The following C18orf54 variants were observed in gnomAD, a reference collection of about 807,000 sequenced individuals.
C18orf54 encodes lung adenoma susceptibility protein 2.
In C18orf54, 49 loss-of-function variants were observed where a neutral mutation model predicts 49.3. That is an observed-to-expected ratio of 0.99 (90% confidence interval 0.79 to 1.26). The LOEUF (loss-of-function observed/expected upper bound fraction) is 1.26. C18orf54 is among the 50% of genes most tolerant of loss of function. The pLI, the probability that C18orf54 is intolerant of heterozygous loss-of-function variation, is 0.00. For synonymous variants in C18orf54, 211 were observed against 216.6 expected (o/e 0.97, Z 0.23); for missense variants, 687 against 620.6 (o/e 1.11, Z -1.14).
rs1391741183 is a variant in C18orf54 at position 54,378,886 on chromosome 18, G to T, written c.*640G>T. 1 of 152,072 alleles carries T rather than the reference G, an allele frequency of 6.6e-6. No individual in the cohort carries two copies. Among genetic ancestry groups the T allele is most frequent in the Non-Finnish European group, 1.5e-5 (1 of 67,946 alleles). The allele number at this position is 152,072 out of a possible 1,614,324, so 9.4% of individuals were successfully genotyped here. A position where few individuals can be genotyped will look rare whatever the true frequency, so the allele number is the denominator to read the frequency against. ...CTCATTTAATTAGTACTTTGATTCT[G>T]TGTAAGATAATCTTGGTAGTGCTTG... On this transcript the variant is annotated 3_prime_UTR_variant, in exon 9 of 9. Transcript: ENST00000620105.
Position 54,362,388 on chromosome 18 carries a change from TGA to T in C18orf54, c.1032_1033del (p.Asn345SerfsTer14). The T allele has an allele frequency of 6.5e-7, 1 of 1,533,180 alleles. No homozygotes were observed. Among genetic ancestry groups the T allele is most frequent in the Non-Finnish European group, 8.7e-7 (1 of 1,145,060 alleles). 95.0% of individuals were successfully genotyped at this position (1,533,180 alleles called of 1,614,324 possible). ...ATTTTGAACATAGCCAGTGTCAATG[TGA>T]GAATCCACTTCTCCCAGGACAATCC... ...CDFEHSQCQC[E>X]NPLLPGQSTK... On this transcript the variant is annotated frameshift_variant, in exon 4 of 9. Transcript: ENST00000620105. LOFTEE classifies it high-confidence loss of function.
At chr18:54,360,908 G>C (rs1271016445) in intron 3 of C18orf54, 53 bp downstream of exon 3, 16 of 1,501,412 alleles carry the variant, frequency 1.1e-5, no homozygotes, top group Non-Finnish European at 1.5e-5. Flanking sequence ...AAGCATTTGG[G>C]AGATGTACTG....
In C18orf54 at chr18:54,362,780, T is replaced by C; in HGVS notation, c.1082T>C (p.Ile361Thr). Reference protein sequence around the residue: ...QSTKPFSGDKIELLILKAKRN... With the variant: ...QSTKPFSGDKTELLILKAKRN... Reference sequence around the variant, plus strand: ...CATCTTTTACAATTAGGTGACAAAATTGAATTGCTTATCTTGAAGGCCAAG... The same window carrying C: ...CATCTTTTACAATTAGGTGACAAAACTGAATTGCTTATCTTGAAGGCCAAG... Residue 361 changes from isoleucine (I) to threonine (T), a missense_variant, in exon 5 of 9, where the codon ATT (isoleucine) becomes ACT (threonine). Transcript: ENST00000620105. 6.2e-7 allele frequency: 1 copy of C among 1,603,384 alleles called. No homozygotes were observed. The highest frequency in any genetic ancestry group is 8.5e-7 in the Non-Finnish European group (1 of 1,177,728).
At position 54,360,673 on chromosome 18, in the gene C18orf54, C is replaced by T. The variant is rs1203031594; in HGVS notation, c.101C>T (p.Ser34Phe). The T allele has an allele frequency of 6.2e-7, 1 of 1,614,084 alleles. No homozygotes were observed. Residue 34 changes from serine (S) to phenylalanine (F), a missense_variant, in exon 3 of 9, where the codon TCT becomes TTT. Coordinates refer to ENST00000620105, the MANE Select transcript of C18orf54 (RefSeq NM_001288980.2). ...CTGAGTGGTAGTAATTCCTCTAATT[C>T]TGATGGCTCGTTTCACTATAAAGAT... ...CTLSGSNSSN[S>F]DGSFHYKDKL...
intron 5 of C18orf54, among the ~76,000 whole-genome samples, chr18:54,363,678 A>G (rs115873573): frequency 0.031 from 4,759 of 152,256 alleles, 187 homozygotes; most frequent in African/African-American, 0.096. Context: ...TTTTCCTTAA[A>G]TGATGGTACA....
chr18:54,375,557 C>T (rs2089556601), intron 8 of C18orf54, among the ~76,000 whole-genome samples: 1 of 150,722 alleles, frequency 6.6e-6, no homozygotes, highest in African/African-American at 2.4e-5. Context: ...TTGTCACAGA[C>T]CTATATGTGT....
chr18:54,363,996 G>A (rs2089326816), intron 5 of C18orf54: 1 of 152,056 alleles, frequency 6.6e-6, no homozygotes, highest in Non-Finnish European at 1.5e-5. Context: ...GGATTAATTT[G>A]ACTAGAAAAT....
At chr18:54,377,111 C>T (rs1407168464) in intron 8 of C18orf54, among the ~76,000 whole-genome samples, 2 of 152,070 alleles carry the variant, frequency 1.3e-5, no homozygotes. Context: ...TCATGGGTCA[C>T]TGCAGTCTCC....
chr18:54,378,160 ACT>A lies in C18orf54; in HGVS notation c.1530-13_1530-12del. The A allele has an allele frequency of 1.2e-6, 2 of 1,608,638 alleles. No homozygotes were observed. Among genetic ancestry groups the A allele is most frequent in the Non-Finnish European group, 1.7e-6 (2 of 1,176,426 alleles). ...ATAACTGGTTTATAATGTGTTTTAT[ACT>A]TTTTAATGAAGGGCTTTGCACCATT... On this transcript the variant is annotated splice_polypyrimidine_tract_variant and intron_variant, in intron 8 of 8. Coordinates refer to ENST00000620105, the MANE Select transcript of C18orf54 (RefSeq NM_001288980.2).
intron 6 of C18orf54, among the ~76,000 whole-genome samples, chr18:54,369,434 T>C (rs1262746725): frequency 4.0e-5 from 6 of 150,434 alleles, no homozygotes; most frequent in Admixed American, 3.3e-4. Flanking sequence ...AATTAACAAA[T>C]GTACTAACTA....
At chr18:54,368,102 TTATC>T (rs1183223689) in intron 6 of C18orf54, among the ~76,000 whole-genome samples, 3 of 152,140 alleles carry the variant, frequency 2.0e-5, no homozygotes, top group African/African-American at 4.8e-5. Context: ...TTTGGTCAAA[TTATC>T]TGTCTGTGTT....
Position 54,379,051 on chromosome 18 carries a change from A to G in C18orf54, c.*805A>G, listed in dbSNP as rs1206466350. 3 of 152,134 alleles carry G rather than the reference A, an allele frequency of 2.0e-5. No homozygotes were observed. The highest frequency in any genetic ancestry group is 6.5e-5 in the Admixed American group (1 of 15,272). The allele number at this position is 152,134 out of a possible 1,614,324, so 9.4% of individuals were successfully genotyped here. ...ATGGCCAATTGCTTTATCAAATTTG[A>G]TAACTAAAACTTAAAATGAATATGG... On this transcript the variant is annotated 3_prime_UTR_variant, in exon 9 of 9. Coordinates refer to ENST00000620105, the MANE Select transcript of C18orf54 (RefSeq NM_001288980.2).
At chr18:54,361,224 T>G (rs1657905) in intron 3 of C18orf54, among the ~76,000 whole-genome samples, 1 of 152,170 alleles carries the variant, frequency 6.6e-6, no homozygotes, top group Non-Finnish European at 1.5e-5. Context: ...ACAGCTGTTC[T>G]CTATGTATAA....
chr18:54,362,150 G>A lies in C18orf54; in HGVS notation c.791G>A (p.Trp264Ter), dbSNP rs759099064. Reference sequence around the variant, plus strand: ...ATACCTGATTTCAAATACCCAGTCTGGCTGCACAATCAAGACTTGCTACCT... The same window carrying A: ...ATACCTGATTTCAAATACCCAGTCTAGCTGCACAATCAAGACTTGCTACCT... ...TSIPDFKYPV[W>*]LHNQDLLPDA... Residue 264 changes from tryptophan to a stop codon, truncating the protein, a stop_gained, in exon 4 of 9, where the codon TGG becomes TAG. Coordinates refer to ENST00000620105, the MANE Select transcript of C18orf54 (RefSeq NM_001288980.2). LOFTEE classifies it high-confidence loss of function. 2.3e-5 allele frequency: 35 copies of A among 1,536,086 alleles called. No homozygotes were observed. The highest frequency in any genetic ancestry group is 3.0e-5 in the Non-Finnish European group (34 of 1,146,894).
At chr18:54,370,644 C>T (rs557207166) in intron 6 of C18orf54, among the ~76,000 whole-genome samples, 63 of 152,252 alleles carry the variant, frequency 4.1e-4, no homozygotes, top group African/African-American at 1.5e-3. Flanking sequence ...TGACAAGTCT[C>T]AGAACAAATT....
At position 54,362,200 on chromosome 18, in the gene C18orf54, C is replaced by CAA. The variant is rs1473996607; in HGVS notation, c.842_843insAA (p.Ile282ArgfsTer26). ...TGATGCAAATAGTCAAAGGGTTTAT[C>CAA]AGATATTTAAAGATGATCAGTGTTC... On this transcript the variant is annotated frameshift_variant, in exon 4 of 9. Coordinates refer to ENST00000620105, the MANE Select transcript of C18orf54 (RefSeq NM_001288980.2). LOFTEE classifies it high-confidence loss of function. 6.5e-7 allele frequency: 1 copy of CAA among 1,536,102 alleles called. No individual in the cohort carries two copies. Among genetic ancestry groups the CAA allele is most frequent in the African/African-American group, 1.4e-5 (1 of 73,034 alleles).
chr18:54,362,289 A>G lies in C18orf54; in HGVS notation c.930A>G (p.Glu310=). 6.5e-7 allele frequency: 1 copy of G among 1,536,354 alleles called. No homozygotes were observed. Among genetic ancestry groups the G allele is most frequent in the Non-Finnish European group, 8.7e-7 (1 of 1,146,938 alleles). The change falls in exon 4 of 9, where the codon GAA becomes GAG. Residue 310 remains glutamate, a synonymous_variant. Coordinates refer to ENST00000620105, the MANE Select transcript of C18orf54 (RefSeq NM_001288980.2). The part of the protein sequence containing the change: ...SRLINKLDCF[E]YAFEPSNFSN... Reference sequence around the variant, plus strand: ...TTATCAATAAATTAGATTGTTTTGAATATGCTTTTGAACCCTCAAACTTTT... The same window carrying G: ...TTATCAATAAATTAGATTGTTTTGAGTATGCTTTTGAACCCTCAAACTTTT...
At chr18:54,362,522 T>C in intron 4 of C18orf54, 91 bp downstream of exon 4, 1 of 1,167,514 alleles carries the variant, frequency 8.6e-7, no homozygotes, top group Non-Finnish European at 1.2e-6. Context: ...TCTGGGAGCT[T>C]TTATGTTTTG....
intron 8 of C18orf54, among the ~76,000 whole-genome samples, chr18:54,374,891 C>T (rs545413520): frequency 5.3e-5 from 8 of 152,032 alleles, no homozygotes; most frequent in African/African-American, 1.9e-4. Flanking sequence ...AAAGTTTCTA[C>T]TCTAGTCACA....
Sources: allele counts gnomAD v4.1 joint callset (sites outside exome capture counted in the v4.1 genomes callset), GRCh38; gene constraint gnomAD v4.1.1; transcripts MANE v1.5; gene names NCBI Gene and HGNC (gene_info 2026-07-23, HGNC 2026-07-21).